Variants in CLCN3 observed in about 807,000 individuals in gnomAD.
CLCN3 encodes the protein Cl-/H+ antiporter 3.
CLCN3 carries 16 observed loss-of-function variants against 83.4 expected under a neutral mutation model. That is an observed-to-expected ratio of 0.19 (90% confidence interval 0.13 to 0.29). CLCN3 has a LOEUF of 0.29. Ranked by LOEUF, CLCN3 falls within the 10% of genes least tolerant of loss-of-function variation. The pLI is 1.00. For synonymous variants in CLCN3, 322 were observed against 346.2 expected, an observed-to-expected ratio of 0.93 and a Z score of 0.78; for missense variants, 544 against 1,006.0, an observed-to-expected ratio of 0.54 and a Z score of 6.21.
At chr4:169,698,070 A>C (rs1418366205) in intron 9 of CLCN3, among the ~76,000 whole-genome samples, 1 of 152,184 alleles carries the variant, frequency 6.6e-6, no homozygotes, top group Non-Finnish European at 1.5e-5. Flanking sequence ...TAATCATCTC[A>C]AAGCTTCTTT....
At chr4:169,719,083 T>G (rs1733534164) in intron 12 of CLCN3, among the ~76,000 whole-genome samples, 1 of 152,238 alleles carries the variant, frequency 6.6e-6, no homozygotes, top group Non-Finnish European at 1.5e-5. Flanking sequence ...TATATGCATT[T>G]TATCTTAATA....
intron 1 of CLCN3, among the ~76,000 whole-genome samples, chr4:169,623,942 G>A (rs769614292): frequency 6.6e-6 from 1 of 151,298 alleles, no homozygotes; most frequent in Non-Finnish European, 1.5e-5. Flanking sequence ...CTCTAATATC[G>A]ACCTTAAATG....
At chr4:169,677,503 G>C (rs1189250258) in intron 2 of CLCN3, among the ~76,000 whole-genome samples, 3 of 152,190 alleles carry the variant, frequency 2.0e-5, no homozygotes, top group Non-Finnish European at 4.4e-5. Context: ...TTTAGATTAT[G>C]AGCACTTTGG....
Position 169,635,994 on chromosome 4 carries a change from A to G in CLCN3, c.66A>G (p.Ala22=). 1 of 1,613,530 alleles carries G rather than the reference A, an allele frequency of 6.2e-7. No homozygotes were observed. Among genetic ancestry groups the G allele is most frequent in the Non-Finnish European group, 8.5e-7 (1 of 1,179,644 alleles). Reference sequence around the variant, plus strand: ...ACAGCTACAACAGTATAACAAGTGCAAGTAGTGATGAGGAACTTTTAGATG... The same window carrying G: ...ACAGCTACAACAGTATAACAAGTGCGAGTAGTGATGAGGAACTTTTAGATG... ...YRNSYNSITS[A]SSDEELLDGA... The change falls in exon 2 of 13, where the codon GCA becomes GCG. Residue 22 remains alanine (A), a synonymous_variant. Transcript: ENST00000513761.
At chr4:169,679,271 G>T (rs1364281688) in intron 2 of CLCN3, among the ~76,000 whole-genome samples, 1 of 150,474 alleles carries the variant, frequency 6.6e-6, no homozygotes, top group Non-Finnish European at 1.5e-5. Flanking sequence ...GGGCAGAGGC[G>T]CTCCCCACGT....
intron 10 of CLCN3, among the ~76,000 whole-genome samples, chr4:169,706,612 A>G (rs1221380432): frequency 6.6e-6 from 1 of 152,216 alleles, no homozygotes; most frequent in East Asian, 1.9e-4. Context: ...TTTTTAAAAT[A>G]TGAAATAAAC....
At chr4:169,697,114 A>G in intron 8 of CLCN3, 75 bp from the exon 9 acceptor site, 1 of 1,080,676 alleles carries the variant, frequency 9.3e-7, no homozygotes, top group Non-Finnish European at 1.3e-6. Flanking sequence ...GATATTTACC[A>G]TTCAAGTTAT....
intron 1 of CLCN3, among the ~76,000 whole-genome samples, chr4:169,631,960 A>T (rs557357995): frequency 6.7e-6 from 1 of 149,830 alleles, no homozygotes; most frequent in South Asian, 2.3e-4. Context: ...CCTGGACCAG[A>T]TGTATTCATA....
rs573312350 is a variant in CLCN3, at chr4:169,679,253, G to A, written c.161-797G>A. On this transcript the variant is annotated intron_variant, in intron 2 of 12. Transcript: ENST00000513761. ...AGAGGCGCTCCTCACATCCCAGAGG[G>A]GGCGGCCGGGCAGAGGCGCTCCCCA... Among the ~76,000 whole-genome samples, 428 of 150,702 alleles carry A rather than the reference G, an allele frequency of 2.8e-3. 5 individuals are homozygous for A. Among genetic ancestry groups the A allele is most frequent in the South Asian group, 8.4e-3 (40 of 4,752 alleles).
At chr4:169,634,622 G>C (rs889837462) in intron 1 of CLCN3, among the ~76,000 whole-genome samples, 1 of 152,162 alleles carries the variant, frequency 6.6e-6, no homozygotes, top group Admixed American at 6.5e-5. Flanking sequence ...TTGCAAAGCA[G>C]CAAGTATTTA....
chr4:169,695,399 T>G (rs981126782), intron 7 of CLCN3, among the ~76,000 whole-genome samples: 8 of 152,306 alleles, frequency 5.3e-5, no homozygotes, highest in Admixed American at 1.3e-4. Flanking sequence ...TTTAACTGAA[T>G]GGTAAATGCA....
At chr4:169,648,369 G>T (rs1359667138) in intron 2 of CLCN3, among the ~76,000 whole-genome samples, 1 of 152,006 alleles carries the variant, frequency 6.6e-6, no homozygotes, top group Non-Finnish European at 1.5e-5. Flanking sequence ...CCAAAATGAA[G>T]TTTATTTTTA....
At chr4:169,674,499 A>G (rs1413433280) in intron 2 of CLCN3, among the ~76,000 whole-genome samples, 1 of 152,146 alleles carries the variant, frequency 6.6e-6, no homozygotes, top group Non-Finnish European at 1.5e-5. Context: ...CCTTTCAGCT[A>G]GCTTTTCAAA....
intron 2 of CLCN3, among the ~76,000 whole-genome samples, chr4:169,652,819 A>G (rs1730766716): frequency 6.6e-6 from 1 of 152,108 alleles, no homozygotes; most frequent in African/African-American, 2.4e-5. Context: ...ATGGATTTTG[A>G]TTGTGGTTTA....
chr4:169,717,661 AT>A (rs1733475909), intron 12 of CLCN3: 2 of 512,222 alleles, frequency 3.9e-6, no homozygotes, highest in East Asian at 6.1e-5. Flanking sequence ...TTTTGTTTTT[AT>A]TTTCTAAAGT....
At chr4:169,708,254 G>C (rs1390973254) in intron 11 of CLCN3, among the ~76,000 whole-genome samples, 1 of 152,178 alleles carries the variant, frequency 6.6e-6, no homozygotes, top group Non-Finnish European at 1.5e-5. Context: ...ATGTGGGGGA[G>C]TGTTTCTCAA....
At chr4:169,681,073 G>A (rs1966021) in intron 3 of CLCN3, among the ~76,000 whole-genome samples, 17,586 of 152,000 alleles carry the variant, frequency 0.12, 1,122 homozygotes, top group East Asian at 0.17. Flanking sequence ...TCGGGGGACC[G>A]TCGCCCATTC....
At chr4:169,714,733 T>C (rs1560877040) in intron 12 of CLCN3, among the ~76,000 whole-genome samples, 1 of 152,148 alleles carries the variant, frequency 6.6e-6, no homozygotes, top group Non-Finnish European at 1.5e-5. Flanking sequence ...TTCACTGCGC[T>C]AATTAAAATA....
At chr4:169,690,344 C>T (rs1732318453) in intron 5 of CLCN3, among the ~76,000 whole-genome samples, 186 bp from the exon 6 acceptor site, 1 of 151,976 alleles carries the variant, frequency 6.6e-6, no homozygotes, top group South Asian at 2.1e-4. Context: ...CGGGGTTTCA[C>T]CACATTGGCC....
Sources: allele counts gnomAD v4.1 joint callset (sites outside exome capture counted in the v4.1 genomes callset), GRCh38; gene constraint gnomAD v4.1.1; transcripts MANE v1.5; gene names NCBI Gene and HGNC (gene_info 2026-07-23, HGNC 2026-07-21).